The following STON2 variants were observed in gnomAD, a reference collection of about 807,000 sequenced individuals.
The protein encoded by STON2 is stonin-2.
Under a neutral mutation model 65.7 loss-of-function variants are expected in STON2, and 29 were observed. The ratio of observed to expected loss-of-function variants is 0.44; its 90% CI spans 0.33 to 0.60. The LOEUF (loss-of-function observed/expected upper bound fraction) is 0.60. Ranked by LOEUF, STON2 falls within the 20% of genes least tolerant of loss-of-function variation. STON2 has a pLI of 0.03. For missense variants in STON2, 1,054 were observed against 1,118.1 expected, an observed-to-expected ratio of 0.94 and a Z score of 0.82; for synonymous variants, 404 against 414.2, an observed-to-expected ratio of 0.98 and a Z score of 0.30.
At chr14:81,301,075 T>C (rs560265268) in intron 5 of STON2, among the ~76,000 whole-genome samples, 1 of 152,200 alleles carries the variant, frequency 6.6e-6, no homozygotes, top group Non-Finnish European at 1.5e-5. Flanking sequence ...GAAGTTACTA[T>C]TGCACCATCA....
At chr14:81,325,549 C>G (rs1447155641) in intron 4 of STON2, among the ~76,000 whole-genome samples, 2 of 152,074 alleles carry the variant, frequency 1.3e-5, no homozygotes, top group Non-Finnish European at 1.5e-5. Flanking sequence ...AACAATCTGT[C>G]CCATTCCCCA....
chr14:81,426,669 T>A (rs1325516304), intron 2 of STON2, among the ~76,000 whole-genome samples: 11 of 152,132 alleles, frequency 7.2e-5, no homozygotes, highest in Non-Finnish European at 2.9e-5. Context: ...CCAGTCCCCC[T>A]CGCCCGAAAC....
intron 5 of STON2, among the ~76,000 whole-genome samples, chr14:81,310,984 C>A (rs928442882): frequency 1.3e-5 from 2 of 152,114 alleles, no homozygotes; most frequent in African/African-American, 4.8e-5. Flanking sequence ...TCAACGGGTG[C>A]CACTGATATC....
intron 2 of STON2, among the ~76,000 whole-genome samples, chr14:81,411,790 T>G (rs1227390719): frequency 6.6e-6 from 1 of 152,112 alleles, no homozygotes; most frequent in Non-Finnish European, 1.5e-5. Flanking sequence ...TCAAGGGGCT[T>G]ACATCATGAG....
At chr14:81,380,636 G>A (rs1027854113) in intron 3 of STON2, among the ~76,000 whole-genome samples, 13 of 152,190 alleles carry the variant, frequency 8.5e-5, no homozygotes, top group Admixed American at 3.3e-4. Context: ...GGAATACTAC[G>A]CAGCCATAAA....
intron 1 of STON2, among the ~76,000 whole-genome samples, chr14:81,432,627 A>C (rs981475988): frequency 3.9e-5 from 6 of 152,198 alleles, no homozygotes; most frequent in African/African-American, 1.4e-4. Context: ...AGCCAGACAA[A>C]AGGGTGTGTG....
At chr14:81,335,848 G>C (rs1252272428) in intron 4 of STON2, among the ~76,000 whole-genome samples, 2 of 152,112 alleles carry the variant, frequency 1.3e-5, no homozygotes, top group East Asian at 1.9e-4. Context: ...GCATATTTAG[G>C]GGAGAGAGAA....
intron 5 of STON2, among the ~76,000 whole-genome samples, chr14:81,308,160 G>A (rs1161575168): frequency 1.3e-5 from 2 of 152,140 alleles, no homozygotes; most frequent in African/African-American, 2.4e-5. Context: ...CTGTCATTAC[G>A]CTTACCTGCT....
At chr14:81,404,258 G>C (rs1900742103), upstream of STON2, among the ~76,000 whole-genome samples, 1 of 152,130 alleles carries the variant, frequency 6.6e-6, no homozygotes, top group Non-Finnish European at 1.5e-5. Context: ...ACTAGACATA[G>C]GGACTACTGA....
At chr14:81,411,615 G>A (rs1901164887) in intron 2 of STON2, among the ~76,000 whole-genome samples, 1 of 152,242 alleles carries the variant, frequency 6.6e-6, no homozygotes, top group Non-Finnish European at 1.5e-5. Context: ...GGTGAGGCAG[G>A]AGAATCGCTT....
intron 4 of STON2, among the ~76,000 whole-genome samples, chr14:81,345,169 A>G (rs1170650530): frequency 6.6e-6 from 1 of 152,222 alleles, no homozygotes; most frequent in Non-Finnish European, 1.5e-5. Flanking sequence ...CAGGGTTGGG[A>G]GGAAACTTCT....
chr14:81,333,398 T>G (rs1329758286), intron 4 of STON2: 1 of 415,456 alleles, frequency 2.4e-6, no homozygotes, highest in Non-Finnish European at 4.4e-6. Context: ...GGGAGGCTAT[T>G]CTAAGAGCTT....
At chr14:81,389,892 C>G (rs926530351) in intron 3 of STON2, among the ~76,000 whole-genome samples, 1 of 152,202 alleles carries the variant, frequency 6.6e-6, no homozygotes, top group Admixed American at 6.5e-5. Flanking sequence ...TTCCTCAGAG[C>G]CAGTTTCAAA....
chr14:81,378,589 C>T (rs1338404263), intron 3 of STON2, among the ~76,000 whole-genome samples: 1 of 152,190 alleles, frequency 6.6e-6, no homozygotes, highest in East Asian at 1.9e-4. Context: ...TCATCCTTTT[C>T]ACAGAGTTTT....
intron 4 of STON2, among the ~76,000 whole-genome samples, chr14:81,329,094 G>GATTT (rs1173128754): frequency 6.6e-6 from 1 of 152,186 alleles, no homozygotes; most frequent in Non-Finnish European, 1.5e-5. Flanking sequence ...GTTTACAGAT[G>GATTT]TAATCAAGTT....
rs59730707 is a variant in STON2 at position 81,306,220 on chromosome 14, CTTTTTTTTTTTT to C, written c.742+17785_742+17796del. 6.1e-3 allele frequency among the ~76,000 whole-genome samples: 423 copies of C among 69,530 alleles called. 10 individuals are homozygous for C. The highest frequency in any genetic ancestry group is 0.023 in the African/African-American group (392 of 16,694). The allele number at this position is 69,530 out of a possible 152,430, so 45.6% of individuals were successfully genotyped here. A position where few individuals can be genotyped will look rare whatever the true frequency, so the allele number is the denominator to read the frequency against. On this transcript the variant is annotated intron_variant, in intron 5 of 7. Transcript: ENST00000614646. Reference sequence around the variant, plus strand: ...TTATATATACACACACATACATACTCTTTTTTTTTTTTTTTTTTTTTTTTTTTGAGATGGAGT... The same window carrying C: ...TTATATATACACACACATACATACTCTTTTTTTTTTTTTTTGAGATGGAGT...
At chr14:81,426,414 C>T (rs1449694434) in intron 2 of STON2, among the ~76,000 whole-genome samples, 1 of 152,180 alleles carries the variant, frequency 6.6e-6, no homozygotes, top group Non-Finnish European at 1.5e-5. Flanking sequence ...ACCCCTTCTC[C>T]AGCTGTTAAA....
intron 4 of STON2, among the ~76,000 whole-genome samples, chr14:81,360,055 T>C (rs1380872737): frequency 1.3e-5 from 2 of 152,164 alleles, no homozygotes; most frequent in African/African-American, 2.4e-5. Context: ...CATGCCACTA[T>C]ACTCCAGCCT....
At chr14:81,334,995 G>T (rs531567665) in intron 4 of STON2, among the ~76,000 whole-genome samples, 17 of 144,660 alleles carry the variant, frequency 1.2e-4, no homozygotes, top group African/African-American at 4.1e-4. Flanking sequence ...ACACCACCAC[G>T]CCTGGCTAAT....
Sources: gnomAD v4.1 joint callset for allele counts (sites outside exome capture counted in the v4.1 genomes callset) on GRCh38, gnomAD v4.1.1 for gene constraint, MANE v1.5 for transcripts, NCBI Gene and HGNC (gene_info 2026-07-23, HGNC 2026-07-21) for gene names.